Variants in FRMD4A observed in about 807,000 individuals in gnomAD.
FRMD4A encodes FERM domain-containing protein 4A.
Under a neutral mutation model 129.1 loss-of-function variants are expected in FRMD4A, and 29 were observed. The ratio of observed to expected loss-of-function variants is 0.22; its 90% confidence interval spans 0.17 to 0.31. The LOEUF is 0.31. Ranked by LOEUF, FRMD4A falls within the 10% of genes least tolerant of loss-of-function variation. FRMD4A has a pLI of 1.00. For synonymous variants in FRMD4A, 634 were observed against 571.6 expected, an observed-to-expected ratio of 1.11 and a Z score of -1.56; for missense variants, 1,272 against 1,375.8, an observed-to-expected ratio of 0.92 and a Z score of 1.19.
intron 2 of FRMD4A, among the ~76,000 whole-genome samples, chr10:14,305,365 CA>C (rs1342306941): frequency 2.6e-5 from 4 of 151,824 alleles, no homozygotes; most frequent in Non-Finnish European, 5.9e-5. Context: ...AATTGCTGAA[CA>C]AAAAAATGAA....
intron 2 of FRMD4A, among the ~76,000 whole-genome samples, chr10:14,121,383 A>C (rs901295337): frequency 2.6e-5 from 4 of 152,174 alleles, no homozygotes; most frequent in Non-Finnish European, 5.9e-5. Flanking sequence ...AGAACAAAAA[A>C]CAAAAAAACC....
intron 2 of FRMD4A, among the ~76,000 whole-genome samples, chr10:14,320,334 C>A (rs576054964): frequency 1.3e-5 from 2 of 152,270 alleles, no homozygotes; most frequent in Admixed American, 1.3e-4. Context: ...ATGACACAGA[C>A]CCTTTAGCAA....
chr10:14,239,946 TAA>T (rs1297031962), intron 2 of FRMD4A, among the ~76,000 whole-genome samples: 3 of 152,212 alleles, frequency 2.0e-5, no homozygotes, highest in Non-Finnish European at 4.4e-5. Context: ...TTTGGAAAAG[TAA>T]GTAACAGGGT....
At chr10:14,261,716 T>C (rs1029530694) in intron 2 of FRMD4A, among the ~76,000 whole-genome samples, 1 of 152,210 alleles carries the variant, frequency 6.6e-6, no homozygotes, top group African/African-American at 2.4e-5. Flanking sequence ...ATGCAGCTTT[T>C]GGTCCATTGT....
At chr10:13,736,502 T>A (rs2090637595) in intron 12 of FRMD4A, among the ~76,000 whole-genome samples, 1 of 152,234 alleles carries the variant, frequency 6.6e-6, no homozygotes, top group African/African-American at 2.4e-5. Context: ...CATCATTTGC[T>A]CAGCATCTTT....
chr10:14,039,377 TCC>T lies in FRMD4A; in HGVS notation c.46-180467_46-180466del, dbSNP rs1565204324. On this transcript the variant is annotated intron_variant, in intron 2 of 24. Coordinates refer to ENST00000357447, the MANE Select transcript of FRMD4A (RefSeq NM_018027.5). ...TCTGATCTGTCCGTCCGTCCATCCATCCATCCATCCATCCATCCATCCATCCA... is the reference window on the plus strand; with the variant it reads ...TCTGATCTGTCCGTCCGTCCATCCATATCCATCCATCCATCCATCCATCCA... Among the ~76,000 whole-genome samples, 1,012 of 125,698 alleles carry T rather than the reference TCC, an allele frequency of 8.1e-3. 8 individuals are homozygous for T. Among genetic ancestry groups the T allele is most frequent in the African/African-American group, 0.015 (439 of 29,638 alleles). The allele number at this position is 125,698 out of a possible 152,430, so 82.5% of individuals were successfully genotyped here.
At chr10:13,692,145 T>C (rs1313399565) in intron 15 of FRMD4A, 1 of 86,268 alleles carries the variant, frequency 1.2e-5, no homozygotes, top group Non-Finnish European at 2.5e-5. Flanking sequence ...AGCAGCTTTT[T>C]TTTTTTTTTT....
In FRMD4A at chr10:14,039,390, CCA is replaced by C. The variant is rs1565204471; in HGVS notation, c.46-180480_46-180479del. Among the ~76,000 whole-genome samples, 41 of 137,110 alleles carry C rather than the reference CCA, an allele frequency of 3.0e-4. No homozygotes were observed. The South Asian group carries it at 6.7e-3, about 22-fold the overall frequency. 89.9% of individuals were successfully genotyped at this position (137,110 alleles called of 152,430 possible). A position where few individuals can be genotyped will look rare whatever the true frequency, so the allele number is the denominator to read the frequency against. ...TCCGTCCATCCATCCATCCATCCAT[CCA>C]TCCATCCATCCATCCATCTATCTAT... On this transcript the variant is annotated intron_variant, in intron 2 of 24. Transcript: ENST00000357447.
At chr10:14,321,258 C>A (rs1291478584) in intron 2 of FRMD4A, among the ~76,000 whole-genome samples, 1 of 151,182 alleles carries the variant, frequency 6.6e-6, no homozygotes, top group Admixed American at 6.6e-5. Context: ...GAGGCACTCA[C>A]AATCTATTAA....
intron 12 of FRMD4A, among the ~76,000 whole-genome samples, chr10:13,708,427 C>T (rs992150531): frequency 2.0e-5 from 3 of 152,248 alleles, no homozygotes; most frequent in Admixed American, 6.5e-5. Context: ...CTTTTATCCT[C>T]ACAATCTGCT....
intron 2 of FRMD4A, among the ~76,000 whole-genome samples, chr10:14,184,378 G>A (rs1180503810): frequency 6.8e-6 from 1 of 147,832 alleles, no homozygotes; most frequent in Non-Finnish European, 1.5e-5. Flanking sequence ...AAAGTGCTGG[G>A]ATGGATTACA....
intron 2 of FRMD4A, among the ~76,000 whole-genome samples, chr10:14,151,846 C>CCCCT (rs1840354262): frequency 6.6e-6 from 1 of 152,090 alleles, no homozygotes. Context: ...GGGCAGCAGG[C>CCCCT]CCCTGTTCCC....
chr10:14,313,514 C>T (rs909513029), intron 2 of FRMD4A, among the ~76,000 whole-genome samples: 2 of 152,154 alleles, frequency 1.3e-5, no homozygotes, highest in Non-Finnish European at 2.9e-5. Context: ...TTTGTGTACA[C>T]AATCATAACT....
intron 5 of FRMD4A, among the ~76,000 whole-genome samples, chr10:13,790,370 G>A (rs1353397397): frequency 6.6e-6 from 1 of 152,228 alleles, no homozygotes. Flanking sequence ...CAGGACTGGG[G>A]CAGAGGACGG....
At chr10:14,279,745 T>A (rs762007477) in intron 2 of FRMD4A, among the ~76,000 whole-genome samples, 7 of 152,192 alleles carry the variant, frequency 4.6e-5, no homozygotes, top group Admixed American at 1.3e-4. Context: ...TCAATGTGCA[T>A]GATCTCATTT....
At chr10:13,957,331 G>C (rs774151243) in intron 2 of FRMD4A, among the ~76,000 whole-genome samples, 8 of 152,168 alleles carry the variant, frequency 5.3e-5, no homozygotes, top group Non-Finnish European at 1.0e-4. Flanking sequence ...TGGGCTTACT[G>C]CAATCTCTGC....
At chr10:13,774,660 G>A (rs1414777822) in intron 6 of FRMD4A, among the ~76,000 whole-genome samples, 1 of 152,106 alleles carries the variant, frequency 6.6e-6, no homozygotes, top group Non-Finnish European at 1.5e-5. Context: ...GCTTGCGACG[G>A]GATCACGTCA....
intron 2 of FRMD4A, chr10:13,866,449 G>A (rs2094368870): frequency 6.3e-6 from 1 of 159,190 alleles, no homozygotes; most frequent in Non-Finnish European, 1.3e-5. Context: ...CGGGTACTGG[G>A]TCACCTCAAG....
At chr10:13,684,301 A>G (rs753049080) in intron 15 of FRMD4A, 517 of 983,974 alleles carry the variant, frequency 5.3e-4, no homozygotes, top group Non-Finnish European at 6.0e-4. Context: ...CCAAGCAGAG[A>G]GAGAGATGGA....
Sources: allele counts gnomAD v4.1 joint callset (sites outside exome capture counted in the v4.1 genomes callset), GRCh38; gene constraint gnomAD v4.1.1; transcripts MANE v1.5; gene names NCBI Gene and HGNC (gene_info 2026-07-23, HGNC 2026-07-21).